Variants in STXBP4 observed in about 807,000 individuals in gnomAD.
STXBP4 encodes syntaxin-binding protein 4.
In STXBP4, 55 loss-of-function variants were observed where a neutral mutation model predicts 76.1. The observed-to-expected ratio is 0.72, with a 90% CI of 0.58 to 0.91. The LOEUF is 0.91. Ranked by LOEUF, STXBP4 falls within the 40% of genes least tolerant of loss-of-function variation. The probability of loss-of-function intolerance (pLI) is 0.00; values close to 1 mark genes in which losing one functional copy is unlikely to be tolerated. For synonymous variants in STXBP4, 201 were observed against 220.2 expected, an observed-to-expected ratio of 0.91 and a Z score of 0.77; for missense variants, 618 against 636.9, an observed-to-expected ratio of 0.97 and a Z score of 0.32.
intron 10 of STXBP4, among the ~76,000 whole-genome samples, chr17:55,036,730 G>A (rs1244985930): frequency 6.6e-6 from 1 of 151,870 alleles, no homozygotes; most frequent in Non-Finnish European, 1.5e-5. Flanking sequence ...GAATAGATAT[G>A]TTACATATTT....
At chr17:54,990,395 A>G (rs771655638) in intron 3 of STXBP4, among the ~76,000 whole-genome samples, 8 of 152,082 alleles carry the variant, frequency 5.3e-5, no homozygotes, top group African/African-American at 9.7e-5. Flanking sequence ...CATGAACCCT[A>G]TTGTGAACTG....
rs116352968 is a variant in STXBP4, at chr17:54,990,428, C to A, written c.48-397C>A. Reference sequence around the variant, plus strand: ...CTGTGCATGTGAGGGATCTAGCTTGCGTGCTCCTTTTGAGAATCTAGTGGC... The same window carrying A: ...CTGTGCATGTGAGGGATCTAGCTTGAGTGCTCCTTTTGAGAATCTAGTGGC... On this transcript the variant is annotated intron_variant, in intron 3 of 17. Transcript: ENST00000376352. Among the ~76,000 whole-genome samples the A allele has an allele frequency of 9.7e-3, 1,483 of 152,252 alleles. 21 individuals carry two copies. The highest frequency in any genetic ancestry group is 0.033 in the African/African-American group (1,389 of 41,528).
the STXBP4 span, among the ~76,000 whole-genome samples, chr17:55,180,222 G>A: frequency 1.3e-5 from 2 of 152,270 alleles, no homozygotes; most frequent in South Asian, 2.1e-4. Context: ...TAAGACCGTC[G>A]TAAATGTGAG....
chr17:55,105,107 C>T lies in STXBP4; in HGVS notation c.1489+23924C>T, dbSNP rs377714175. On this transcript the variant is annotated intron_variant, in intron 16 of 17. Transcript: ENST00000376352. ...TTCGTTGATTTTTTGAAGGGTTTTT[C>T]GTGTCTCTATCTCCTTCAGTTCTGC... Among the ~76,000 whole-genome samples the T allele has an allele frequency of 9.9e-5, 15 of 152,034 alleles. No homozygotes were observed. In the East Asian group the frequency reaches 1.4e-3, roughly 14 times the overall value.
chr17:55,124,979 C>T (rs992714009), intron 16 of STXBP4, among the ~76,000 whole-genome samples: 1 of 152,160 alleles, frequency 6.6e-6, no homozygotes, highest in Admixed American at 6.5e-5. Flanking sequence ...TTTATGACCT[C>T]ATTCAACCTT....
At chr17:55,020,321 T>C (rs558982351) in intron 8 of STXBP4, among the ~76,000 whole-genome samples, 1 of 152,342 alleles carries the variant, frequency 6.6e-6, no homozygotes, top group Non-Finnish European at 1.5e-5. Flanking sequence ...AATTTGTTAT[T>C]GTCTACCTAG....
At chr17:55,197,755 G>GAAGAAAA in the STXBP4 span, among the ~76,000 whole-genome samples, 3 of 148,936 alleles carry the variant, frequency 2.0e-5, no homozygotes, top group South Asian at 2.2e-4. Flanking sequence ...AAAAAAAAAA[G>GAAGAAAA]AAGAAAAAAG....
rs1281521167 is a variant in STXBP4 at position 55,052,945 on chromosome 17, GT to G, written c.1011+5792del. ...TGTGTGTGTGTGTGTGTGTGTGTGT[GT>G]GTGTGGGTTGTATTCTTTAGAAATG... On this transcript the variant is annotated intron_variant, in intron 12 of 17. Transcript: ENST00000376352. Among the ~76,000 whole-genome samples, 56 of 142,872 alleles carry G rather than the reference GT, an allele frequency of 3.9e-4. 1 individual carries two copies. Among genetic ancestry groups the G allele is most frequent in the Non-Finnish European group, 5.8e-4 (38 of 65,928 alleles). 93.7% of individuals were successfully genotyped at this position (142,872 alleles called of 152,430 possible).
chr17:55,107,845 G>A (rs879486012), intron 16 of STXBP4, among the ~76,000 whole-genome samples: 4 of 152,194 alleles, frequency 2.6e-5, no homozygotes, highest in Non-Finnish European at 5.9e-5. Context: ...CCTGTATGAG[G>A]TGTCTGTTGA....
rs1384196871 is a variant in STXBP4 at position 55,169,271 on chromosome 17, G to A, written c.*9360G>A. Reference sequence around the variant, plus strand: ...ATGACTTTGGTTCACTCCCACGGGAGAGCCCTAGAGACAAAAAGGTTCTAC... The same window carrying A: ...ATGACTTTGGTTCACTCCCACGGGAAAGCCCTAGAGACAAAAAGGTTCTAC... On this transcript the variant is annotated 3_prime_UTR_variant, in exon 18 of 18. Transcript: ENST00000376352. 6.6e-6 allele frequency: 1 copy of A among 150,790 alleles called. No individual in the cohort carries two copies. The highest frequency in any genetic ancestry group is 2.4e-5 in the African/African-American group (1 of 41,016). 9.3% of individuals were successfully genotyped at this position (150,790 alleles called of 1,614,324 possible).
chr17:55,026,591 A>AC (rs1460435255), intron 8 of STXBP4, among the ~76,000 whole-genome samples: 2 of 152,228 alleles, frequency 1.3e-5, no homozygotes, highest in African/African-American at 4.8e-5. Flanking sequence ...CAACTGGGGA[A>AC]CCTGGCAGTG....
chr17:55,210,900 A>T, the STXBP4 span, among the ~76,000 whole-genome samples: 1 of 152,228 alleles, frequency 6.6e-6, no homozygotes, highest in Non-Finnish European at 1.5e-5. Context: ...TCAGGCATAA[A>T]TCATCATTAA....
chr17:55,078,836 G>A, intron 15 of STXBP4, 101 bp downstream of exon 15: 1 of 708,894 alleles, frequency 1.4e-6, no homozygotes, highest in Non-Finnish European at 2.5e-6. Context: ...ATAGTCCTAA[G>A]GTGCTACATA....
chr17:55,106,444 C>G (rs1414264551), intron 16 of STXBP4, among the ~76,000 whole-genome samples: 1 of 152,050 alleles, frequency 6.6e-6, no homozygotes, highest in East Asian at 1.9e-4. Context: ...TTTAATTGGG[C>G]ATTTAGCCTG....
In STXBP4 at chr17:55,163,623, T is replaced by G. The variant is rs1479145070; in HGVS notation, c.*3712T>G. The G allele has an allele frequency of 6.6e-6, 1 of 152,166 alleles. No individual in the cohort carries two copies. The highest frequency in any genetic ancestry group is 2.4e-5 in the African/African-American group (1 of 41,426). The allele number at this position is 152,166 out of a possible 1,614,324, so 9.4% of individuals were successfully genotyped here. A position where few individuals can be genotyped will look rare whatever the true frequency, so the allele number is the denominator to read the frequency against. On this transcript the variant is annotated 3_prime_UTR_variant, in exon 18 of 18. Transcript: ENST00000376352. ...CTACATGCCAGGCAAAATGTGAAAT[T>G]TGCATGCTATGAGGCTAAATGGTAC...
At chr17:54,975,182 A>G (rs1165098343) in intron 1 of STXBP4, among the ~76,000 whole-genome samples, 3 of 152,186 alleles carry the variant, frequency 2.0e-5, no homozygotes, top group African/African-American at 7.2e-5. Flanking sequence ...TCTGTCACCC[A>G]GGCTGGAGTG....
At chr17:55,026,070 A>T (rs77054478) in intron 8 of STXBP4, among the ~76,000 whole-genome samples, 2,204 of 152,344 alleles carry the variant, frequency 0.014, 42 homozygotes, top group African/African-American at 0.041. Context: ...AGTGCAAGAC[A>T]TATATACTTA....
chr17:55,132,379 CG>C (rs1348245268), intron 16 of STXBP4, among the ~76,000 whole-genome samples: 1 of 151,830 alleles, frequency 6.6e-6, no homozygotes, highest in Non-Finnish European at 1.5e-5. Flanking sequence ...TTAGTAGAGA[CG>C]GGGTTTCACC....
intron 16 of STXBP4, among the ~76,000 whole-genome samples, chr17:55,112,043 A>G (rs73325212): frequency 5.5e-4 from 84 of 152,224 alleles, no homozygotes; most frequent in African/African-American, 2.0e-3. Flanking sequence ...AGCCTCCCAG[A>G]TAACTAGGAC....
Sources: gnomAD v4.1 joint callset for allele counts (sites outside exome capture counted in the v4.1 genomes callset) on GRCh38, gnomAD v4.1.1 for gene constraint, MANE v1.5 for transcripts, NCBI Gene and HGNC (gene_info 2026-07-23, HGNC 2026-07-21) for gene names.